Variants in LRRTM3 observed in about 807,000 individuals in gnomAD.
The protein encoded by LRRTM3 is leucine-rich repeat transmembrane neuronal protein 3.
Under a neutral mutation model 44.7 loss-of-function variants are expected in LRRTM3, and 24 were observed. That is an observed-to-expected ratio of 0.54 (90% confidence interval 0.39 to 0.76). The LOEUF (loss-of-function observed/expected upper bound fraction) is 0.76, where lower values mean the gene tolerates loss of function less well. Among genes scored for constraint, LRRTM3 ranks in the 30% least tolerant of loss-of-function variants. LRRTM3 has a pLI of 0.00. For synonymous variants in LRRTM3, 277 were observed against 278.7 expected (o/e 0.99, Z 0.06); for missense variants, 587 against 702.2 (o/e 0.84, Z 1.85).
At chr10:67,072,441 C>T (rs767127885) in intron 2 of LRRTM3, among the ~76,000 whole-genome samples, 17 of 152,134 alleles carry the variant, frequency 1.1e-4, no homozygotes, top group Non-Finnish European at 2.1e-4. Context: ...TGTCTACGTA[C>T]TCTTTTATTG....
intron 2 of LRRTM3, among the ~76,000 whole-genome samples, chr10:67,084,440 A>G (rs1857200709): frequency 6.6e-6 from 1 of 151,972 alleles, no homozygotes; most frequent in African/African-American, 2.4e-5. Flanking sequence ...GAAGTGGAGA[A>G]CCAAATATTA....
chr10:67,049,902 A>G (rs1854978145), intron 2 of LRRTM3, among the ~76,000 whole-genome samples: 1 of 152,210 alleles, frequency 6.6e-6, no homozygotes, highest in Admixed American at 6.5e-5. Context: ...CATTAGTCTT[A>G]GCATATGCTG....
intron 2 of LRRTM3, among the ~76,000 whole-genome samples, chr10:67,079,127 A>G (rs1022255373): frequency 6.6e-6 from 1 of 152,254 alleles, no homozygotes; most frequent in African/African-American, 2.4e-5. Context: ...AGTTTCAGAG[A>G]CAAGATTTGC....
At position 67,013,533 on chromosome 10, in the gene LRRTM3, C is replaced by T. The variant is rs140520541; in HGVS notation, c.1537-84054C>T. ...AAAAGTCACATTAAAACACTTTATA[C>T]TGAACTATACCATGACCTCGGCAAA... On this transcript the variant is annotated intron_variant, in intron 2 of 2. Coordinates refer to ENST00000361320, the MANE Select transcript of LRRTM3 (RefSeq NM_178011.5). Among the ~76,000 whole-genome samples the T allele has an allele frequency of 2.0e-5, 3 of 152,290 alleles. No homozygotes were observed. In the East Asian group the frequency reaches 5.8e-4, roughly 29 times the overall value.
chr10:67,081,054 A>T (rs993710415), intron 2 of LRRTM3, among the ~76,000 whole-genome samples: 1 of 152,224 alleles, frequency 6.6e-6, no homozygotes, highest in Non-Finnish European at 1.5e-5. Context: ...TTTGGCACTT[A>T]AACTATGATG....
At chr10:67,039,201 A>G (rs558659925) in intron 2 of LRRTM3, among the ~76,000 whole-genome samples, 1 of 152,252 alleles carries the variant, frequency 6.6e-6, no homozygotes, top group South Asian at 2.1e-4. Flanking sequence ...ACAACTTCAC[A>G]AACTGTAACT....
chr10:66,952,204 T>TGAAAAG (rs1848571175), intron 2 of LRRTM3, among the ~76,000 whole-genome samples: 1 of 152,132 alleles, frequency 6.6e-6, no homozygotes, highest in African/African-American at 2.4e-5. Flanking sequence ...GGCAAAAGTC[T>TGAAAAG]TTGCTAAGAT....
intron 2 of LRRTM3, among the ~76,000 whole-genome samples, chr10:66,939,102 A>C (rs2132672143): frequency 6.6e-6 from 1 of 152,262 alleles, no homozygotes; most frequent in Middle Eastern, 3.4e-3. Flanking sequence ...CTCTGATTTT[A>C]CGCGTTTCCA....
At chr10:67,089,229 G>T (rs1857488604) in intron 2 of LRRTM3, among the ~76,000 whole-genome samples, 1 of 151,966 alleles carries the variant, frequency 6.6e-6, no homozygotes, top group Non-Finnish European at 1.5e-5. Context: ...TGGCAATTTA[G>T]CTCTTAAGAA....
intron 2 of LRRTM3, among the ~76,000 whole-genome samples, chr10:67,001,723 C>T (rs1334879853): frequency 1.3e-5 from 2 of 152,090 alleles, no homozygotes; most frequent in Non-Finnish European, 2.9e-5. Flanking sequence ...TTACATACAT[C>T]TTGTCAGGCA....
intron 2 of LRRTM3, among the ~76,000 whole-genome samples, chr10:67,072,016 G>A (rs748337041): frequency 7.2e-5 from 11 of 152,142 alleles, no homozygotes; most frequent in Admixed American, 3.9e-4. Flanking sequence ...TGCTGTGCAC[G>A]ATCTCAGCGC....
chr10:67,086,239 C>A (rs193259784), intron 2 of LRRTM3, among the ~76,000 whole-genome samples: 1 of 151,954 alleles, frequency 6.6e-6, no homozygotes, highest in Admixed American at 6.6e-5. Context: ...TAAAATGAAA[C>A]TCATCTGAAG....
intron 2 of LRRTM3, among the ~76,000 whole-genome samples, chr10:67,004,369 TGAG>T (rs1471855688): frequency 6.6e-6 from 1 of 152,226 alleles, no homozygotes; most frequent in East Asian, 1.9e-4. Flanking sequence ...ATGGTAATGA[TGAG>T]GATGAGAAAA....
chr10:67,033,881 C>A, intron 2 of LRRTM3, among the ~76,000 whole-genome samples: 1 of 152,212 alleles, frequency 6.6e-6, no homozygotes, highest in South Asian at 2.1e-4. Context: ...AGCAATTCTG[C>A]CTCACTCAGC....
chr10:67,075,978 C>A (rs1446736431), intron 2 of LRRTM3, among the ~76,000 whole-genome samples: 1 of 152,134 alleles, frequency 6.6e-6, no homozygotes, highest in Non-Finnish European at 1.5e-5. Flanking sequence ...TTTATATAAA[C>A]CTCTCTCTTT....
intron 2 of LRRTM3, among the ~76,000 whole-genome samples, chr10:67,008,926 G>T (rs530784612): frequency 1.6e-3 from 249 of 152,118 alleles, no homozygotes; most frequent in African/African-American, 5.8e-3. Flanking sequence ...AAATGTTTGT[G>T]CATTTGAATT....
chr10:67,016,539 C>T (rs973226090), intron 2 of LRRTM3, among the ~76,000 whole-genome samples: 10 of 152,114 alleles, frequency 6.6e-5, no homozygotes, highest in African/African-American at 2.4e-4. Context: ...TCTGAGGCTT[C>T]CCTTCCCTAC....
At chr10:67,025,911 T>C (rs1316126514) in intron 2 of LRRTM3, among the ~76,000 whole-genome samples, 2 of 150,392 alleles carry the variant, frequency 1.3e-5, no homozygotes, top group African/African-American at 2.5e-5. Context: ...ATATACACCA[T>C]GGAATACTAT....
chr10:67,010,874 C>T (rs1852280338), intron 2 of LRRTM3, among the ~76,000 whole-genome samples: 1 of 152,078 alleles, frequency 6.6e-6, no homozygotes, highest in Non-Finnish European at 1.5e-5. Flanking sequence ...AAATTATACT[C>T]CTTTATGGTT....
Sources: allele counts gnomAD v4.1 joint callset (sites outside exome capture counted in the v4.1 genomes callset), GRCh38; gene constraint gnomAD v4.1.1; transcripts MANE v1.5; gene names NCBI Gene and HGNC (gene_info 2026-07-23, HGNC 2026-07-21).